Variants in ABCC6 observed in about 807,000 individuals in gnomAD.
ABCC6 encodes the protein ATP-binding cassette sub-family C member 6.
ABCC6 carries 126 observed loss-of-function variants against 169.5 expected under a neutral mutation model. The observed-to-expected ratio is 0.74, with a 90% CI of 0.64 to 0.86. ABCC6 has a LOEUF of 0.86. Ranked by LOEUF, ABCC6 falls within the 40% of genes least tolerant of loss-of-function variation. The probability of loss-of-function intolerance (pLI) is 0.00; values close to 1 mark genes in which losing one functional copy is unlikely to be tolerated. For synonymous variants in ABCC6, 752 were observed against 814.7 expected (o/e 0.92, Z 1.31); for missense variants, 1,733 against 1,927.2 (o/e 0.90, Z 1.89).
At chr16:16,190,439 C>T (rs2047811612) in intron 11 of ABCC6, 72 bp from the exon 12 acceptor site, 2 of 1,543,658 alleles carry the variant, frequency 1.3e-6, no homozygotes, top group African/African-American at 1.4e-5. Context: ...CTGACAGCCA[C>T]CCTTCAGCAA....
rs1476030226 is a variant in ABCC6, at chr16:16,203,437, A to C, written c.971T>G (p.Phe324Cys). The change falls in exon 8 of 31, where the codon TTC becomes TGC. Residue 324 changes from phenylalanine to cysteine, a missense_variant. Phe to Cys is a radical substitution (Grantham distance 205, BLOSUM62 -2). This residue lies in a region of ABCC6 where 1,601 missense variants were observed against 1,635.5 expected (regional missense o/e 0.98). Coordinates refer to ENST00000205557, the MANE Select transcript of ABCC6 (RefSeq NM_001171.6). ...GTLSLIISDV[F>C]RFTVPKLLSL... ...GAGCAGCTTGGGGACAGTGAACCTG[A>C]AGACATCACTGATGATGAGGCTGAG... 2 of 1,613,792 alleles carry C rather than the reference A, an allele frequency of 1.2e-6. No individual in the cohort carries two copies. The highest frequency in any genetic ancestry group is 1.7e-6 in the Non-Finnish European group (2 of 1,179,860).
At chr16:16,217,935 C>G (rs1440833232) in intron 4 of ABCC6, among the ~76,000 whole-genome samples, 1 of 152,082 alleles carries the variant, frequency 6.6e-6, no homozygotes, top group East Asian at 1.9e-4. Flanking sequence ...ACTAAAAATA[C>G]AAAAATTAGC....
At position 16,208,713 on chromosome 16, in the gene ABCC6, C is replaced by T; in HGVS notation, c.794+15G>A. On this transcript the variant is annotated intron_variant, in intron 7 of 30. Transcript: ENST00000205557. ...GAAGTAGCATCAGGTGAGTTCTTGA[C>T]CTCCACCCACTTACCTCCGGGCTGC... The T allele has an allele frequency of 6.2e-7, 1 of 1,613,592 alleles. No individual in the cohort carries two copies. Among genetic ancestry groups the T allele is most frequent in the Non-Finnish European group, 8.5e-7 (1 of 1,179,640 alleles).
intron 15 of ABCC6, among the ~76,000 whole-genome samples, chr16:16,183,609 ACCT>A (rs1196753166): frequency 6.6e-6 from 1 of 151,746 alleles, no homozygotes. Context: ...GGCCTTGCTG[ACCT>A]CCTTGCTGTT....
intron 22 of ABCC6, among the ~76,000 whole-genome samples, chr16:16,169,342 G>C (rs1354378290): frequency 6.6e-6 from 1 of 152,186 alleles, no homozygotes; most frequent in African/African-American, 2.4e-5. Flanking sequence ...GGGAGGGTCT[G>C]GCTCTGTCTG....
chr16:16,182,960 TGGTTAG>T (rs1232020306), intron 15 of ABCC6, 30 bp from the exon 16 acceptor site: 1 of 1,613,958 alleles, frequency 6.2e-7, no homozygotes. Flanking sequence ...GACATGACCT[TGGTTAG>T]GGTTCAGCCC....
Position 16,154,498 on chromosome 16 carries a change from GAC to G in ABCC6, c.4208+128_4208+129del, listed in dbSNP as rs2046475965. 4.2e-6 allele frequency: 5 copies of G among 1,185,778 alleles called. No homozygotes were observed. The East Asian group carries it at 1.3e-4, about 30-fold the overall frequency. The allele number at this position is 1,185,778 out of a possible 1,614,324, so 73.5% of individuals were successfully genotyped here. Reference sequence around the variant, plus strand: ...TCAGAGCTTGGAATTGCAGATAAGAGACATGTGGTTATTAATGTAACAGAGTG... The same window carrying G: ...TCAGAGCTTGGAATTGCAGATAAGAGATGTGGTTATTAATGTAACAGAGTG... On this transcript the variant is annotated intron_variant, in intron 29 of 30. Transcript: ENST00000205557.
intron 25 of ABCC6, among the ~76,000 whole-genome samples, 169 bp from the exon 26 acceptor site, chr16:16,159,752 A>G (rs2046656482): frequency 6.6e-6 from 1 of 152,176 alleles, no homozygotes; most frequent in South Asian, 2.1e-4. Flanking sequence ...GGATTTGGAT[A>G]CAACCAACAG....
At chr16:16,206,973 C>CT (rs1342437001) in intron 7 of ABCC6, among the ~76,000 whole-genome samples, 1 of 152,122 alleles carries the variant, frequency 6.6e-6, no homozygotes, top group Non-Finnish European at 1.5e-5. Flanking sequence ...CCTGTCTCTA[C>CT]TAAAAAAAAT....
chr16:16,202,204 A>G lies in ABCC6; in HGVS notation c.999-26T>C, dbSNP rs2048262397. 4 of 1,595,008 alleles carry G rather than the reference A, an allele frequency of 2.5e-6. No homozygotes were observed. In the East Asian group the frequency reaches 9.1e-5, roughly 36 times the overall value. ...CTTGCAGGGGAAGGAGGGAGAAGGTACAGCTGGTGAGAGGAGGTGCCTAAG... is the reference window on the plus strand; with the variant it reads ...CTTGCAGGGGAAGGAGGGAGAAGGTGCAGCTGGTGAGAGGAGGTGCCTAAG... On this transcript the variant is annotated intron_variant, in intron 8 of 30. Transcript: ENST00000205557.
intron 17 of ABCC6, among the ~76,000 whole-genome samples, chr16:16,180,585 T>A (rs567105594): frequency 1.3e-5 from 2 of 152,242 alleles, no homozygotes; most frequent in South Asian, 4.1e-4. Flanking sequence ...CTCTGCCTAC[T>A]GGGTTCAAGC....
chr16:16,192,936 G>A lies in ABCC6; in HGVS notation c.1339-14C>T. On this transcript the variant is annotated splice_polypyrimidine_tract_variant and intron_variant, in intron 10 of 30. Transcript: ENST00000205557. ...GGGCCCCAGGAGCTGGGGATAGAAG[G>A]GGCAGGATGTCAGGAGATCCCGAGG... is the stretch of plus-strand genomic sequence containing the variant. 3 of 1,611,538 alleles carry A rather than the reference G, an allele frequency of 1.9e-6. No individual in the cohort carries two copies. The highest frequency in any genetic ancestry group is 2.5e-6 in the Non-Finnish European group (3 of 1,177,882).
chr16:16,180,988 A>G (rs2047448822), intron 17 of ABCC6, among the ~76,000 whole-genome samples: 2 of 152,156 alleles, frequency 1.3e-5, no homozygotes, highest in African/African-American at 4.8e-5. Flanking sequence ...ATCAGGTGGA[A>G]AGTGCTATGA....
At chr16:16,157,573 G>C in intron 27 of ABCC6, 90 bp downstream of exon 27, 1 of 1,540,182 alleles carries the variant, frequency 6.5e-7, no homozygotes, top group Non-Finnish European at 8.9e-7. Context: ...GGACACTGTG[G>C]AGGTGGCTGG....
chr16:16,204,379 G>A (rs1036860308), intron 7 of ABCC6, among the ~76,000 whole-genome samples: 7 of 152,050 alleles, frequency 4.6e-5, no homozygotes, highest in East Asian at 1.9e-4. Flanking sequence ...TCAACCTATC[G>A]TGTTGTCAAC....
intron 15 of ABCC6, 93 bp from the exon 16 acceptor site, chr16:16,183,023 C>T: frequency 6.3e-7 from 1 of 1,593,762 alleles, no homozygotes; most frequent in South Asian, 1.1e-5. Context: ...AGCTTTCCTG[C>T]TCTGGGAGTC....
intron 20 of ABCC6, 58 bp downstream of exon 20, chr16:16,175,853 T>G: frequency 6.3e-7 from 1 of 1,598,728 alleles, no homozygotes; most frequent in Non-Finnish European, 8.6e-7. Flanking sequence ...GGGTGGTCCC[T>G]TCAGCTACTT....
intron 7 of ABCC6, among the ~76,000 whole-genome samples, chr16:16,206,911 C>T (rs1370088259): frequency 1.3e-5 from 2 of 152,124 alleles, no homozygotes; most frequent in African/African-American, 4.8e-5. Flanking sequence ...CCAAGGCAGG[C>T]AGATCCCCTG....
chr16:16,194,464 C>T (rs960435577), intron 10 of ABCC6, among the ~76,000 whole-genome samples: 2 of 152,200 alleles, frequency 1.3e-5, no homozygotes, highest in African/African-American at 4.8e-5. Context: ...CCCCCACCAA[C>T]GTGGTGATTT....
Sources: gnomAD v4.1 joint callset for allele counts (sites outside exome capture counted in the v4.1 genomes callset) on GRCh38, gnomAD v4.1.1 for gene constraint, gnomAD v4.1.1 regional missense constraint, MANE v1.5 for transcripts, NCBI Gene and HGNC (gene_info 2026-07-23, HGNC 2026-07-21) for gene names.